GNG4: variants seen among roughly 807,000 people sequenced by gnomAD.
The protein encoded by GNG4 is guanine nucleotide-binding protein G(I)/G(S)/G(O) subunit gamma-4.
GNG4 carries 4 observed loss-of-function variants against 5.8 expected under a neutral mutation model. That is an observed-to-expected ratio of 0.69 (90% CI 0.34 to 1.57). The LOEUF is 1.57. Ranked by LOEUF, GNG4 falls within the 40% of genes most tolerant of loss-of-function variation. The pLI, the probability that GNG4 is intolerant of heterozygous loss-of-function variation, is 0.06. For synonymous variants in GNG4, 29 were observed against 32.9 expected (o/e 0.88, Z 0.41); for missense variants, 96 against 95.1 (o/e 1.01, Z -0.04).
intron 3 of GNG4, among the ~76,000 whole-genome samples, chr1:235,553,871 G>A (rs933411806): frequency 7.2e-5 from 11 of 152,178 alleles, no homozygotes; most frequent in African/African-American, 2.4e-4. Flanking sequence ...ATTCAGGAGC[G>A]TTGGAGAGCT....
intron 1 of GNG4, among the ~76,000 whole-genome samples, chr1:235,607,408 G>C (rs896010964): frequency 1.1e-4 from 16 of 152,224 alleles, no homozygotes; most frequent in African/African-American, 3.9e-4. Context: ...ACCAACATCA[G>C]ATTACACAGC....
chr1:235,572,912 G>A (rs1480649512), intron 3 of GNG4, among the ~76,000 whole-genome samples: 1 of 152,146 alleles, frequency 6.6e-6, no homozygotes, highest in East Asian at 1.9e-4. Context: ...TTTTGGCCAA[G>A]AGATTTTCAG....
At chr1:235,581,395 G>A (rs1353738807) in intron 3 of GNG4, among the ~76,000 whole-genome samples, 3 of 151,974 alleles carry the variant, frequency 2.0e-5, no homozygotes, top group Non-Finnish European at 2.9e-5. Flanking sequence ...CGGGCGTGGT[G>A]GTGGGCGCCT....
chr1:235,611,969 C>T (rs1688485556), intron 1 of GNG4, among the ~76,000 whole-genome samples: 2 of 143,544 alleles, frequency 1.4e-5, no homozygotes, highest in South Asian at 4.4e-4. Flanking sequence ...GAGGCTGAGG[C>T]ATGAGAATTG....
At chr1:235,588,042 G>A (rs1687867469) in intron 2 of GNG4, among the ~76,000 whole-genome samples, 1 of 151,850 alleles carries the variant, frequency 6.6e-6, no homozygotes, top group African/African-American at 2.4e-5. Context: ...CCCTGCAGCT[G>A]CGCCCACCTC....
intron 3 of GNG4, among the ~76,000 whole-genome samples, chr1:235,564,485 G>A (rs1346837293): frequency 2.0e-5 from 3 of 152,108 alleles, no homozygotes; most frequent in African/African-American, 7.2e-5. Context: ...CTCAGCCAGG[G>A]TAAGCTTCTG....
rs1421907242 is a variant in GNG4, at chr1:235,548,299, A to G, written c.*3810T>C. On this transcript the variant is annotated 3_prime_UTR_variant, in exon 4 of 4. Transcript: ENST00000391854. ...TTGCTGGCTCAAAGAATTGACAGAA[A>G]ACTAGAAGGGAGGTCTGTAGGAAGA... 6.6e-6 allele frequency: 1 copy of G among 152,170 alleles called. No individual in the cohort carries two copies. The highest frequency in any genetic ancestry group is 1.5e-5 in the Non-Finnish European group (1 of 68,038). 9.4% of individuals were successfully genotyped at this position (152,170 alleles called of 1,614,324 possible). A position where few individuals can be genotyped will look rare whatever the true frequency, so the allele number is the denominator to read the frequency against.
intron 3 of GNG4, chr1:235,565,903 A>C (rs1361076121): frequency 6.6e-6 from 1 of 152,200 alleles, no homozygotes; most frequent in African/African-American, 2.4e-5. Context: ...CCATGAGCTG[A>C]CACAGAGGGA....
chr1:235,572,309 C>T (rs1402410878), intron 3 of GNG4, among the ~76,000 whole-genome samples: 1 of 152,152 alleles, frequency 6.6e-6, no homozygotes, highest in Non-Finnish European at 1.5e-5. Flanking sequence ...AAGCGATTCT[C>T]TTGCCTCAGC....
chr1:235,558,250 T>C (rs922822264), intron 3 of GNG4, among the ~76,000 whole-genome samples: 1 of 152,184 alleles, frequency 6.6e-6, no homozygotes. Context: ...TGTAACACTG[T>C]GAAGAATGGC....
At chr1:235,597,177 T>C (rs1688142776) in intron 1 of GNG4, among the ~76,000 whole-genome samples, 2 of 152,344 alleles carry the variant, frequency 1.3e-5, no homozygotes, top group African/African-American at 4.8e-5. Flanking sequence ...CCCCAAGGGT[T>C]TTCCGAATGC....
intron 1 of GNG4, among the ~76,000 whole-genome samples, chr1:235,610,586 T>C (rs2102968544): frequency 6.6e-6 from 1 of 152,322 alleles, no homozygotes; most frequent in Middle Eastern, 3.4e-3. Flanking sequence ...GATGTATAAA[T>C]TGTCCTGGAT....
At chr1:235,633,424 G>A (rs1225474274) in intron 1 of GNG4, among the ~76,000 whole-genome samples, 2 of 152,140 alleles carry the variant, frequency 1.3e-5, no homozygotes, top group Non-Finnish European at 2.9e-5. Flanking sequence ...GGAAGCCTCC[G>A]AGCAAGACAG....
chr1:235,646,671 A>G (rs1239005549), intron 1 of GNG4, among the ~76,000 whole-genome samples: 1 of 152,140 alleles, frequency 6.6e-6, no homozygotes, highest in African/African-American at 2.4e-5. Flanking sequence ...CCCAGTGAGC[A>G]CGGCGTCTTG....
intron 3 of GNG4, 24 bp from the exon 4 acceptor site, chr1:235,552,261 GC>G: frequency 1.2e-6 from 2 of 1,611,286 alleles, no homozygotes; most frequent in Non-Finnish European, 1.7e-6. Flanking sequence ...GAGCACAGGT[GC>G]TCAGTTAAAG....
chr1:235,556,556 C>CAAAAAA (rs35257216), intron 3 of GNG4, among the ~76,000 whole-genome samples: 2 of 87,408 alleles, frequency 2.3e-5, no homozygotes, highest in Admixed American at 1.4e-4. Flanking sequence ...GACTCTGTCT[C>CAAAAAA]AAAAAAAAAA....
chr1:235,559,323 A>G (rs928695911), intron 3 of GNG4, among the ~76,000 whole-genome samples: 6 of 152,222 alleles, frequency 3.9e-5, no homozygotes, highest in African/African-American at 1.4e-4. Context: ...ACACTCCACT[A>G]GAAGATATCA....
intron 1 of GNG4, among the ~76,000 whole-genome samples, chr1:235,634,780 T>TA (rs1349225319): frequency 2.0e-5 from 3 of 151,884 alleles, no homozygotes; most frequent in South Asian, 4.2e-4. Flanking sequence ...CTGTTTCTAC[T>TA]AAAAAATACA....
intron 2 of GNG4, among the ~76,000 whole-genome samples, chr1:235,587,489 G>T (rs1469773500): frequency 1.1e-4 from 5 of 46,038 alleles, no homozygotes; most frequent in East Asian, 1.2e-3. Context: ...AGTGTGGATG[G>T]GGGGTGGGGG....
Sources: gnomAD v4.1 joint callset for allele counts (sites outside exome capture counted in the v4.1 genomes callset) on GRCh38, gnomAD v4.1.1 for gene constraint, MANE v1.5 for transcripts, NCBI Gene and HGNC (gene_info 2026-07-23, HGNC 2026-07-21) for gene names.